Variants in WWP2 observed in about 807,000 individuals in gnomAD.
WWP2 encodes NEDD4-like E3 ubiquitin-protein ligase WWP2.
A neutral mutation model predicts 121.0 loss-of-function variants in WWP2; 57 were observed. That is an observed-to-expected ratio of 0.47 (90% confidence interval 0.38 to 0.59). The LOEUF (loss-of-function observed/expected upper bound fraction) is 0.59, where lower values mean the gene tolerates loss of function less well. Ranked by LOEUF, WWP2 falls within the 20% of genes least tolerant of loss-of-function variation. WWP2 has a pLI of 0.00. For missense variants in WWP2, 962 were observed against 1,158.9 expected (o/e 0.83, Z 2.47); for synonymous variants, 449 against 441.3 (o/e 1.02, Z -0.22).
chr16:69,766,288 C>G (rs543690220), intron 1 of WWP2, among the ~76,000 whole-genome samples: 2 of 152,290 alleles, frequency 1.3e-5, no homozygotes, highest in East Asian at 3.9e-4. Context: ...AGAGTACACC[C>G]TGGATGCATC....
chr16:69,768,135 G>T (rs941832132), intron 1 of WWP2, among the ~76,000 whole-genome samples: 3 of 152,130 alleles, frequency 2.0e-5, no homozygotes, highest in African/African-American at 7.2e-5. Flanking sequence ...ACCACAACTG[G>T]CTAGGGCTCT....
chr16:69,775,993 A>G (rs563378350), intron 1 of WWP2, among the ~76,000 whole-genome samples: 3 of 152,160 alleles, frequency 2.0e-5, no homozygotes, highest in Non-Finnish European at 4.4e-5. Context: ...GGTTTTCCCT[A>G]AAAACTCCTT....
chr16:69,923,499 G>A, intron 10 of WWP2, among the ~76,000 whole-genome samples: 1 of 152,168 alleles, frequency 6.6e-6, no homozygotes, highest in Middle Eastern at 3.2e-3. Flanking sequence ...CAGGGAGACT[G>A]TCAGTAAAGA....
intron 1 of WWP2, among the ~76,000 whole-genome samples, chr16:69,784,091 C>A (rs977963412): frequency 1.6e-5 from 1 of 60,864 alleles, no homozygotes; most frequent in African/African-American, 6.8e-5. Flanking sequence ...TTCTTTCTTT[C>A]TTTTTTTTTT....
intron 8 of WWP2, among the ~76,000 whole-genome samples, chr16:69,896,763 C>G (rs1028140964): frequency 1.1e-4 from 16 of 150,740 alleles, no homozygotes; most frequent in Non-Finnish European, 1.5e-4. Flanking sequence ...CTACAGCTAC[C>G]ATGTATTCTA....
At position 69,866,800 on chromosome 16, in the gene WWP2, GTATTTATTTATTTATTTATTTATTTATT is replaced by G. The variant is rs10525822; in HGVS notation, c.576-4978_576-4951del. ...CTCCTGAGGTCTTGCTTTCAGTTCCGTATTTATTTATTTATTTATTTATTTATTTATTTATTTATTTATTTATTTATTT... is the reference window on the plus strand; with the variant it reads ...CTCCTGAGGTCTTGCTTTCAGTTCCGTATTTATTTATTTATTTATTTATTT... On this transcript the variant is annotated intron_variant, in intron 6 of 23. Transcript: ENST00000359154. Among the ~76,000 whole-genome samples, 16 of 139,670 alleles carry G rather than the reference GTATTTATTTATTTATTTATTTATTTATT, an allele frequency of 1.1e-4. 2 individuals are homozygous for G. The highest frequency in any genetic ancestry group is 2.1e-4 in the East Asian group (1 of 4,780). 91.6% of individuals were successfully genotyped at this position (139,670 alleles called of 152,430 possible). A position where few individuals can be genotyped will look rare whatever the true frequency, so the allele number is the denominator to read the frequency against.
intron 4 of WWP2, among the ~76,000 whole-genome samples, chr16:69,815,413 T>C (rs2056469698): frequency 6.6e-6 from 1 of 151,324 alleles, no homozygotes; most frequent in South Asian, 2.1e-4. Flanking sequence ...CCCTAGGCCA[T>C]AGATCATTCA....
chr16:69,917,680 T>C (rs1223068267), intron 9 of WWP2, 29 bp from the exon 10 acceptor site: 5 of 1,592,726 alleles, frequency 3.1e-6, no homozygotes, highest in Admixed American at 1.7e-5. Flanking sequence ...GGGTGGTCAT[T>C]ATATTCATTC....
chr16:69,878,010 G>A (rs1421349375), intron 7 of WWP2, among the ~76,000 whole-genome samples: 1 of 151,702 alleles, frequency 6.6e-6, no homozygotes, highest in Admixed American at 6.6e-5. Flanking sequence ...GTTTTACCAT[G>A]TTGGCCAGGC....
chr16:69,781,627 G>A (rs1468946766), intron 1 of WWP2, among the ~76,000 whole-genome samples: 1 of 152,140 alleles, frequency 6.6e-6, no homozygotes, highest in Non-Finnish European at 1.5e-5. Context: ...TGGGATTATA[G>A]GCGCCCGCTG....
At chr16:69,774,705 T>TA (rs2055486613) in intron 1 of WWP2, 1 of 152,194 alleles carries the variant, frequency 6.6e-6, no homozygotes, top group Non-Finnish European at 1.5e-5. Context: ...TGCTGTGGCT[T>TA]ACGTTTATAA....
intron 1 of WWP2, among the ~76,000 whole-genome samples, chr16:69,771,157 A>G (rs2055406016): frequency 6.6e-6 from 1 of 152,126 alleles, no homozygotes; most frequent in Non-Finnish European, 1.5e-5. Flanking sequence ...AGGTAGGGTG[A>G]TAAAAGTGAT....
intron 14 of WWP2, 129 bp from the exon 15 acceptor site, chr16:69,931,380 G>T: frequency 6.8e-7 from 1 of 1,464,786 alleles, no homozygotes; most frequent in Non-Finnish European, 9.4e-7. Flanking sequence ...TAGGAAGCTA[G>T]TTTTCATTCC....
intron 7 of WWP2, among the ~76,000 whole-genome samples, chr16:69,882,347 T>C (rs2057846109): frequency 6.6e-6 from 1 of 152,250 alleles, no homozygotes; most frequent in African/African-American, 2.4e-5. Context: ...TTTTAATTTT[T>C]TTTATTTCTT....
chr16:69,903,230 G>C (rs531937550), intron 8 of WWP2, among the ~76,000 whole-genome samples: 1 of 152,300 alleles, frequency 6.6e-6, no homozygotes, highest in South Asian at 2.1e-4. Context: ...CTGAAGACCT[G>C]CTGAAACTGT....
chr16:69,833,391 A>T (rs1205721376), intron 4 of WWP2, among the ~76,000 whole-genome samples: 2 of 149,690 alleles, frequency 1.3e-5, no homozygotes, highest in African/African-American at 5.1e-5. Flanking sequence ...AGAGGCTGAG[A>T]CTGACCTTGG....
intron 7 of WWP2, among the ~76,000 whole-genome samples, chr16:69,876,119 A>C (rs2057731180): frequency 6.6e-6 from 1 of 151,790 alleles, no homozygotes; most frequent in Non-Finnish European, 1.5e-5. Context: ...CACCACACCC[A>C]GCTAATTTTT....
intron 1 of WWP2, among the ~76,000 whole-genome samples, chr16:69,766,573 C>A (rs1180931107): frequency 6.6e-6 from 1 of 152,162 alleles, no homozygotes; most frequent in African/African-American, 2.4e-5. Context: ...TTACTCAATC[C>A]CCTCCAGCCA....
chr16:69,814,883 A>G (rs2056460313), intron 4 of WWP2, among the ~76,000 whole-genome samples: 1 of 152,216 alleles, frequency 6.6e-6, no homozygotes, highest in South Asian at 2.1e-4. Context: ...AAATAAAACT[A>G]CTGAACCTTG....
Sources: gnomAD v4.1 joint callset for allele counts (sites outside exome capture counted in the v4.1 genomes callset) on GRCh38, gnomAD v4.1.1 for gene constraint, MANE v1.5 for transcripts, NCBI Gene and HGNC (gene_info 2026-07-23, HGNC 2026-07-21) for gene names.